The following TRAPPC13 variants were observed in gnomAD, a reference collection of about 807,000 sequenced individuals.
TRAPPC13 encodes trafficking protein particle complex subunit 13, also known as REV7-interacting novel NHEJ regulator 1.
TRAPPC13 carries 39 observed loss-of-function variants against 54.0 expected under a neutral mutation model. The observed-to-expected ratio is 0.72, with a 90% CI of 0.56 to 0.94. TRAPPC13 has a LOEUF of 0.94. Among genes scored for constraint, TRAPPC13 ranks in the 40% least tolerant of loss-of-function variants. TRAPPC13 has a pLI of 0.00. For synonymous variants in TRAPPC13, 148 were observed against 167.7 expected (o/e 0.88, Z 0.91); for missense variants, 386 against 488.1 (o/e 0.79, Z 1.97).
chr5:65,645,372 CA>C (rs1467574955), intron 4 of TRAPPC13, among the ~76,000 whole-genome samples: 1 of 152,088 alleles, frequency 6.6e-6, no homozygotes, highest in Non-Finnish European at 1.5e-5. Flanking sequence ...ATGCTTAGAA[CA>C]GGGCCTTGCA....
At chr5:65,632,179 A>C (rs2150664092) in intron 1 of TRAPPC13, among the ~76,000 whole-genome samples, 1 of 152,226 alleles carries the variant, frequency 6.6e-6, no homozygotes, top group African/African-American at 2.4e-5. Context: ...CAGGAGGTTC[A>C]CTTGAGCTCA....
intron 1 of TRAPPC13, among the ~76,000 whole-genome samples, chr5:65,633,728 A>G (rs1755634462): frequency 6.6e-6 from 1 of 152,006 alleles, no homozygotes; most frequent in South Asian, 2.1e-4. Flanking sequence ...TTTTAAAAAA[A>G]TTATAGAGTG....
Position 65,639,971 on chromosome 5 carries a change from A to T in TRAPPC13, c.300+2191A>T, listed in dbSNP as rs540756130. Among the ~76,000 whole-genome samples, 4 of 152,336 alleles carry T rather than the reference A, an allele frequency of 2.6e-5. No homozygotes were observed. The South Asian group carries it at 6.2e-4, about 24-fold the overall frequency. ...GGACCTCTAATTAGAATGAGTTTGA[A>T]AATGATCATAGAGTTTTAAAGTTAA... is the stretch of plus-strand genomic sequence containing the variant. On this transcript the variant is annotated intron_variant, in intron 4 of 12. Transcript: ENST00000399438.
intron 11 of TRAPPC13, 60 bp from the exon 12 acceptor site, chr5:65,664,177 T>C (rs1756945186): frequency 6.5e-7 from 1 of 1,527,992 alleles, no homozygotes; most frequent in African/African-American, 1.4e-5. Context: ...GTAGAAATAT[T>C]GCAGTACCTC....
Position 65,635,742 on chromosome 5 carries a change from T to C in TRAPPC13, c.116-202T>C, listed in dbSNP as rs548523343. Among the ~76,000 whole-genome samples the C allele has an allele frequency of 2.0e-5, 3 of 151,950 alleles. No homozygotes were observed. The South Asian group carries it at 6.3e-4, about 32-fold the overall frequency. On this transcript the variant is annotated intron_variant, in intron 2 of 12. Transcript: ENST00000399438. ...TCTATCTCATGACGTACATTTTTCT[T>C]TGTTTCTAAAGTTTCCATTCCCTGT...
At position 65,642,560 on chromosome 5, in the gene TRAPPC13, G is replaced by A. The variant is rs1756010112; in HGVS notation, c.301-4495G>A. 4.0e-5 allele frequency among the ~76,000 whole-genome samples: 6 copies of A among 151,804 alleles called. 1 individual carries two copies. The South Asian group carries it at 1.2e-3, about 32-fold the overall frequency. Reference sequence around the variant, plus strand: ...TCTTTTTCTACCATTTTTTAGCTAGGAATTTTATTCTTTTATTTTGATTCT... The same window carrying A: ...TCTTTTTCTACCATTTTTTAGCTAGAAATTTTATTCTTTTATTTTGATTCT... On this transcript the variant is annotated intron_variant, in intron 4 of 12. Transcript: ENST00000399438.
At chr5:65,626,375 T>G (rs1755231402) in intron 1 of TRAPPC13, among the ~76,000 whole-genome samples, 1 of 152,196 alleles carries the variant, frequency 6.6e-6, no homozygotes, top group Non-Finnish European at 1.5e-5. Context: ...TACCAGCTAC[T>G]CCGATGGGAA....
At chr5:65,642,081 G>C (rs1056546205) in intron 4 of TRAPPC13, among the ~76,000 whole-genome samples, 2 of 152,082 alleles carry the variant, frequency 1.3e-5, no homozygotes, top group Non-Finnish European at 2.9e-5. Context: ...CCAGCACTTT[G>C]GGAGGCCGAG....
chr5:65,643,922 A>T (rs954363265), intron 4 of TRAPPC13, among the ~76,000 whole-genome samples: 1 of 151,806 alleles, frequency 6.6e-6, no homozygotes, highest in Non-Finnish European at 1.5e-5. Context: ...TATTAAAAAT[A>T]TTCAAGTAGA....
intron 12 of TRAPPC13, 57 bp downstream of exon 12, chr5:65,664,441 T>G (rs879627889): frequency 6.9e-6 from 11 of 1,602,486 alleles, no homozygotes; most frequent in African/African-American, 2.7e-5. Flanking sequence ...ACAAGTCATT[T>G]GTGATGTCTG....
At position 65,652,564 on chromosome 5, in the gene TRAPPC13, A is replaced by G. The variant is rs775155477; in HGVS notation, c.546+19A>G. On this transcript the variant is annotated intron_variant, in intron 7 of 12. Coordinates refer to ENST00000399438, the MANE Select transcript of TRAPPC13 (RefSeq NM_024941.4). ...TGCAGAGGTAAGTGTTGAGTGTTTA[A>G]TGGGATTTCATATTAAACATTAAGA... The G allele has an allele frequency of 5.1e-6, 8 of 1,569,412 alleles. No individual in the cohort carries two copies. In the Admixed American group the frequency reaches 1.2e-4, roughly 23 times the overall value.
At chr5:65,654,529 C>G (rs75084869) in intron 7 of TRAPPC13, among the ~76,000 whole-genome samples, 2,086 of 152,220 alleles carry the variant, frequency 0.014, 55 homozygotes, top group African/African-American at 0.047. Flanking sequence ...AAATACTGTT[C>G]AGCCACTAGC....
chr5:65,637,779 A>G lies in TRAPPC13; in HGVS notation c.299A>G (p.Lys100Arg). The G allele has an allele frequency of 6.5e-7, 1 of 1,535,612 alleles. No individual in the cohort carries two copies. The highest frequency in any genetic ancestry group is 8.9e-7 in the Non-Finnish European group (1 of 1,128,524). The change falls in exon 4 of 13, where the codon AAA becomes AGA. Residue 100 changes from lysine (K) to arginine (R), a missense_variant and splice_region_variant. Coordinates refer to ENST00000399438, the MANE Select transcript of TRAPPC13 (RefSeq NM_024941.4). ...SNQVVKDILVKADLQTSSQRL... is the reference protein window; with the variant it reads ...SNQVVKDILVRADLQTSSQRL... ...CAAGTTGTAAAAGACATATTAGTAA[A>G]AGTAAGTAACATTCTTACTTGGGAT...
intron 1 of TRAPPC13, chr5:65,630,434 T>G (rs1354358551): frequency 7.1e-7 from 1 of 1,408,446 alleles, no homozygotes; most frequent in East Asian, 2.5e-5. Context: ...AAATTTTTAA[T>G]GACTTTTTAG....
intron 4 of TRAPPC13, among the ~76,000 whole-genome samples, chr5:65,640,783 A>G (rs1480074232): frequency 6.6e-6 from 1 of 152,228 alleles, no homozygotes; most frequent in Non-Finnish European, 1.5e-5. Context: ...ATCAAAGAAT[A>G]CAGTAGTATG....
intron 8 of TRAPPC13, among the ~76,000 whole-genome samples, chr5:65,656,479 T>C (rs1429824917): frequency 6.6e-6 from 1 of 152,138 alleles, no homozygotes; most frequent in Non-Finnish European, 1.5e-5. Context: ...AACTGATAAA[T>C]CATTTTATTT....
Position 65,664,548 on chromosome 5 carries a change from A to G in TRAPPC13, c.1191A>G (p.Thr397=). The G allele has an allele frequency of 1.1e-5, 17 of 1,612,196 alleles. No individual in the cohort carries two copies. The highest frequency in any genetic ancestry group is 1.4e-5 in the Non-Finnish European group (17 of 1,179,536). Residue 397 remains threonine, a synonymous_variant, in exon 13 of 13, where the codon ACA becomes ACG. Coordinates refer to ENST00000399438, the MANE Select transcript of TRAPPC13 (RefSeq NM_024941.4). ...LRLTDTFLKR[T]YEYDDIAQVC... ...TAACAGACACATTCTTAAAGAGAAC[A>G]TATGAATATGATGACATCGCACAAG... is the stretch of plus-strand genomic sequence containing the variant.
At chr5:65,626,821 C>T (rs559059777) in intron 1 of TRAPPC13, among the ~76,000 whole-genome samples, 1 of 150,588 alleles carries the variant, frequency 6.6e-6, no homozygotes, top group African/African-American at 2.4e-5. Context: ...CTTTTTTTTC[C>T]AAAACCAAGG....
In TRAPPC13 at chr5:65,625,042, G is replaced by C. The variant is rs779171028; in HGVS notation, c.-19G>C. The C allele has an allele frequency of 1.1e-5, 17 of 1,612,056 alleles. No individual in the cohort carries two copies. Among genetic ancestry groups the C allele is most frequent in the African/African-American group, 5.3e-5 (4 of 74,864 alleles). ...CCTGTCCAGCCCCCGTAGGCTGTGG[G>C]TCAAAAGTGCCGGTCAAAATGGAAG... On this transcript the variant is annotated 5_prime_UTR_variant, in exon 1 of 13. Transcript: ENST00000399438.
Sources: gnomAD v4.1 joint callset for allele counts (sites outside exome capture counted in the v4.1 genomes callset) on GRCh38, gnomAD v4.1.1 for gene constraint, MANE v1.5 for transcripts, NCBI Gene and HGNC (gene_info 2026-07-23, HGNC 2026-07-21) for gene names.